The following CPNE4 variants were observed in gnomAD, a reference collection of about 807,000 sequenced individuals.
CPNE4 encodes copine-4.
Under a neutral mutation model 67.9 loss-of-function variants are expected in CPNE4, and 25 were observed. The ratio of observed to expected loss-of-function variants is 0.37; its 90% CI spans 0.27 to 0.51. The LOEUF is 0.51. Among genes scored for constraint, CPNE4 ranks in the 20% least tolerant of loss-of-function variants. The pLI is 0.93. For missense variants in CPNE4, 464 were observed against 690.8 expected (o/e 0.67, Z 3.68); for synonymous variants, 242 against 244.9 (o/e 0.99, Z 0.11).
At chr3:131,667,600 C>A (rs13082985) in intron 7 of CPNE4, among the ~76,000 whole-genome samples, 52,353 of 151,194 alleles carry the variant, frequency 0.35, 10,968 homozygotes, top group Non-Finnish European at 0.48. Context: ...TTCTCTCCCC[C>A]CTCCCTTCCT....
At chr3:131,917,789 A>T (rs1320890201) in intron 1 of CPNE4, among the ~76,000 whole-genome samples, 1 of 152,204 alleles carries the variant, frequency 6.6e-6, no homozygotes, top group Non-Finnish European at 1.5e-5. Context: ...TCAGTGGACC[A>T]GGGCAAGACT....
intron 8 of CPNE4, among the ~76,000 whole-genome samples, chr3:131,582,347 A>AGGG (rs1336814330): frequency 6.6e-6 from 1 of 152,174 alleles, no homozygotes; most frequent in Non-Finnish European, 1.5e-5. Flanking sequence ...CTGGGAACTA[A>AGGG]GGGGAATAGG....
chr3:131,713,362 G>A (rs2081605729), intron 3 of CPNE4, among the ~76,000 whole-genome samples: 1 of 152,150 alleles, frequency 6.6e-6, no homozygotes, highest in Non-Finnish European at 1.5e-5. Context: ...TACCATCTAT[G>A]ACTGAACGAC....
At chr3:131,651,826 C>T (rs2079821919) in intron 7 of CPNE4, among the ~76,000 whole-genome samples, 1 of 152,180 alleles carries the variant, frequency 6.6e-6, no homozygotes, top group African/African-American at 2.4e-5. Context: ...AGTCTGGCTT[C>T]TAATGAGCTG....
At chr3:131,679,366 A>T (rs139130103) in intron 6 of CPNE4, among the ~76,000 whole-genome samples, 2,502 of 149,708 alleles carry the variant, frequency 0.017, 31 homozygotes, top group Non-Finnish European at 0.018. Flanking sequence ...TAATATTATT[A>T]AAAAAAAACC....
At chr3:131,819,878 G>T (rs1221913689) in intron 2 of CPNE4, among the ~76,000 whole-genome samples, 1 of 152,092 alleles carries the variant, frequency 6.6e-6, no homozygotes, top group Admixed American at 6.5e-5. Context: ...TGCCCAAAGC[G>T]CAGGGCCCAG....
At chr3:131,789,153 C>G (rs1583200354) in intron 2 of CPNE4, among the ~76,000 whole-genome samples, 2 of 152,010 alleles carry the variant, frequency 1.3e-5, no homozygotes, top group African/African-American at 4.8e-5. Flanking sequence ...CATCCTACAT[C>G]CTTTCACTTT....
intron 2 of CPNE4, among the ~76,000 whole-genome samples, chr3:131,807,355 G>A (rs540227788): frequency 9.5e-4 from 144 of 152,166 alleles, no homozygotes; most frequent in African/African-American, 1.7e-3. Flanking sequence ...GTATCATATC[G>A]CATATATAAT....
At chr3:131,767,050 T>C (rs527511909) in intron 2 of CPNE4, among the ~76,000 whole-genome samples, 1 of 152,304 alleles carries the variant, frequency 6.6e-6, no homozygotes, top group Admixed American at 6.5e-5. Flanking sequence ...TTTTTTCTCC[T>C]TATGTGGATG....
chr3:131,872,054 T>A (rs2087232575), intron 2 of CPNE4, among the ~76,000 whole-genome samples: 1 of 152,196 alleles, frequency 6.6e-6, no homozygotes, highest in African/African-American at 2.4e-5. Flanking sequence ...TACCTTGACC[T>A]GGGTGGACCT....
At chr3:131,574,728 C>A (rs78141320) in intron 10 of CPNE4, among the ~76,000 whole-genome samples, 3 of 152,066 alleles carry the variant, frequency 2.0e-5, no homozygotes, top group Admixed American at 2.0e-4. Flanking sequence ...TGGCTTACTT[C>A]CTTTCAATTT....
chr3:131,712,567 C>G (rs1363850301), intron 3 of CPNE4, among the ~76,000 whole-genome samples: 1 of 152,152 alleles, frequency 6.6e-6, no homozygotes, highest in Admixed American at 6.5e-5. Flanking sequence ...ATCAATAGTT[C>G]AAGAAATCTA....
chr3:131,615,360 T>C (rs890445992), intron 7 of CPNE4, among the ~76,000 whole-genome samples: 1 of 152,186 alleles, frequency 6.6e-6, no homozygotes, highest in African/African-American at 2.4e-5. Flanking sequence ...TGCAATAGAT[T>C]ATCACAGAAA....
chr3:131,869,074 A>AT (rs1583369327), intron 2 of CPNE4, among the ~76,000 whole-genome samples: 1 of 152,184 alleles, frequency 6.6e-6, no homozygotes, highest in African/African-American at 2.4e-5. Context: ...TTCAAGGGGA[A>AT]TTTTTTAGGA....
At chr3:131,773,590 C>T (rs537462014) in intron 2 of CPNE4, among the ~76,000 whole-genome samples, 6 of 152,114 alleles carry the variant, frequency 3.9e-5, no homozygotes, top group Middle Eastern at 3.4e-3. Context: ...TCAAGAGATC[C>T]GCCTGCCTTG....
chr3:131,936,656 A>C (rs541654533), intron 1 of CPNE4, among the ~76,000 whole-genome samples: 4 of 152,186 alleles, frequency 2.6e-5, no homozygotes, highest in South Asian at 2.1e-4. Flanking sequence ...AGAGCAAAAA[A>C]AAAATCTTAC....
rs184917062 is a variant in CPNE4 at position 131,902,453 on chromosome 3, C to A, written c.180+2811G>T. ...AACTCATCCAAAAAGAAGGGAAAAT[C>A]CTCAAGCACAAAGATGTTTATTGCA... On this transcript the variant is annotated intron_variant, in intron 2 of 15. Transcript: ENST00000429747. Among the ~76,000 whole-genome samples the A allele has an allele frequency of 5.2e-4, 79 of 152,170 alleles. No individual in the cohort carries two copies. The East Asian group carries it at 0.014, about 26-fold the overall frequency.
chr3:131,926,187 T>A (rs2070888653), intron 1 of CPNE4, among the ~76,000 whole-genome samples: 1 of 152,108 alleles, frequency 6.6e-6, no homozygotes, highest in South Asian at 2.1e-4. Flanking sequence ...TCAGAGGGGT[T>A]AACAAAAAAA....
intron 2 of CPNE4, among the ~76,000 whole-genome samples, chr3:131,861,471 C>T (rs111740364): frequency 0.076 from 11,356 of 149,918 alleles, 582 homozygotes; most frequent in East Asian, 0.17. Context: ...GCTGTTGTTG[C>T]CCAGGCTGGA....
Sources: gnomAD v4.1 joint callset for allele counts (sites outside exome capture counted in the v4.1 genomes callset) on GRCh38, gnomAD v4.1.1 for gene constraint, MANE v1.5 for transcripts, NCBI Gene and HGNC (gene_info 2026-07-23, HGNC 2026-07-21) for gene names.